HEMK2: variants seen among roughly 807,000 people sequenced by gnomAD.
HEMK2 encodes methyltransferase HEMK2.
the HEMK2 span, among the ~76,000 whole-genome samples, chr21:28,671,807 TCTGAATC>T: frequency 1.1e-3 from 164 of 152,350 alleles, no homozygotes; most frequent in Middle Eastern, 3.4e-3. Flanking sequence ...AACATGATCC[TCTGAATC>T]ATTTCCACTC....
At chr21:28,812,401 C>T in the HEMK2 span, among the ~76,000 whole-genome samples, 21 of 152,132 alleles carry the variant, frequency 1.4e-4, no homozygotes, top group Non-Finnish European at 2.8e-4. Context: ...TTGAGATAAT[C>T]ATGTGGTTTT....
chr21:28,784,751 A>G, the HEMK2 span, among the ~76,000 whole-genome samples: 1 of 152,100 alleles, frequency 6.6e-6, no homozygotes, highest in Non-Finnish European at 1.5e-5. Context: ...CAGACCAATC[A>G]GCTCTCTGTA....
chr21:28,647,250 C>G, the HEMK2 span, among the ~76,000 whole-genome samples: 56 of 137,580 alleles, frequency 4.1e-4, no homozygotes, highest in African/African-American at 1.4e-3. Context: ...CTTTGGGAGG[C>G]TGAGGTGGGC....
chr21:28,777,057 T>C, the HEMK2 span, among the ~76,000 whole-genome samples: 33 of 152,342 alleles, frequency 2.2e-4, no homozygotes, highest in African/African-American at 7.7e-4. Context: ...CTATGTATTA[T>C]TGAACATGTT....
At chr21:28,578,288 G>A in the HEMK2 span, among the ~76,000 whole-genome samples, 3 of 152,144 alleles carry the variant, frequency 2.0e-5, no homozygotes, top group African/African-American at 7.2e-5. Context: ...TTTGCCCTCA[G>A]ATAGAAAGAT....
chr21:28,827,814 A>G, the HEMK2 span, among the ~76,000 whole-genome samples: 1 of 152,110 alleles, frequency 6.6e-6, no homozygotes, highest in Non-Finnish European at 1.5e-5. Context: ...TGCTTTTAAT[A>G]CTTCCTTATT....
the HEMK2 span, among the ~76,000 whole-genome samples, chr21:28,787,661 C>A: frequency 1.3e-5 from 2 of 152,090 alleles, no homozygotes; most frequent in African/African-American, 4.8e-5. Flanking sequence ...CAATGTGATA[C>A]CACCTCACTC....
chr21:28,728,421 GT>G, the HEMK2 span, among the ~76,000 whole-genome samples: 2 of 152,190 alleles, frequency 1.3e-5, no homozygotes, highest in Non-Finnish European at 2.9e-5. Flanking sequence ...TCCCTAAAGG[GT>G]GGGAAATTTA....
the HEMK2 span, among the ~76,000 whole-genome samples, chr21:28,865,761 AT>A: frequency 7.0e-3 from 1,060 of 151,980 alleles, 10 homozygotes; most frequent in African/African-American, 0.024. Flanking sequence ...CCTGAATCCC[AT>A]TCTCCTTTCT....
At chr21:28,661,970 G>C in the HEMK2 span, among the ~76,000 whole-genome samples, 3 of 152,172 alleles carry the variant, frequency 2.0e-5, no homozygotes, top group African/African-American at 7.2e-5. Flanking sequence ...TATTTGAACA[G>C]AGAGAAAGTA....
chr21:28,595,100 C>CA, the HEMK2 span, among the ~76,000 whole-genome samples: 1 of 152,142 alleles, frequency 6.6e-6, no homozygotes, highest in Non-Finnish European at 1.5e-5. Context: ...TTGATACAGG[C>CA]ATGCAATGCA....
chr21:28,865,219 G>A, the HEMK2 span, among the ~76,000 whole-genome samples: 1 of 152,210 alleles, frequency 6.6e-6, no homozygotes, highest in African/African-American at 2.4e-5. Flanking sequence ...AGGCTGGAGT[G>A]CAGTGGCACA....
At chr21:28,836,877 G>A in the HEMK2 span, among the ~76,000 whole-genome samples, 2 of 151,210 alleles carry the variant, frequency 1.3e-5, no homozygotes, top group Non-Finnish European at 2.9e-5. Context: ...TCTTACATCA[G>A]ACAAAACAAA....
chr21:28,576,272 C>T, the HEMK2 span, among the ~76,000 whole-genome samples: 1 of 152,128 alleles, frequency 6.6e-6, no homozygotes, highest in Non-Finnish European at 1.5e-5. Flanking sequence ...TTAATTTCAG[C>T]CTTTCTTGGG....
At chr21:28,731,564 G>C in the HEMK2 span, among the ~76,000 whole-genome samples, 1 of 148,402 alleles carries the variant, frequency 6.7e-6, no homozygotes, top group East Asian at 2.0e-4. Flanking sequence ...GAAGTGAGCA[G>C]TTGCTCACAG....
At chr21:28,676,292 G>T in the HEMK2 span, among the ~76,000 whole-genome samples, 1 of 152,176 alleles carries the variant, frequency 6.6e-6, no homozygotes, top group African/African-American at 2.4e-5. Flanking sequence ...ACACATGGTA[G>T]TCCCTCTGTG....
chr21:28,817,744 T>C, the HEMK2 span, among the ~76,000 whole-genome samples: 2 of 152,204 alleles, frequency 1.3e-5, no homozygotes, highest in Non-Finnish European at 2.9e-5. Flanking sequence ...CCCTTCTCAA[T>C]TGTGCCTTCT....
the HEMK2 span, among the ~76,000 whole-genome samples, chr21:28,793,680 G>A: frequency 6.6e-6 from 1 of 152,194 alleles, no homozygotes; most frequent in Non-Finnish European, 1.5e-5. Context: ...TGGAAATGGG[G>A]TCTTGGTCCA....
the HEMK2 span, among the ~76,000 whole-genome samples, chr21:28,579,335 T>C: frequency 2.0e-5 from 3 of 152,208 alleles, no homozygotes; most frequent in African/African-American, 7.2e-5. Flanking sequence ...TGCATATGTA[T>C]TTAAGATATA....
Sources: allele counts gnomAD v4.1 joint callset (sites outside exome capture counted in the v4.1 genomes callset), GRCh38; gene constraint gnomAD v4.1.1; transcripts MANE v1.5; gene names NCBI Gene and HGNC (gene_info 2026-07-23, HGNC 2026-07-21).